Variants in EFR3B observed in about 807,000 individuals in gnomAD.
The protein encoded by EFR3B is EFR3 homolog B.
A neutral mutation model predicts 104.7 loss-of-function variants in EFR3B; 64 were observed. The ratio of observed to expected loss-of-function variants is 0.61; its 90% CI spans 0.50 to 0.75. EFR3B has a LOEUF of 0.75. Among genes scored for constraint, EFR3B ranks in the 30% least tolerant of loss-of-function variants. EFR3B has a pLI of 0.00. For missense variants in EFR3B, 750 were observed against 1,078.5 expected (o/e 0.70, Z 4.27); for synonymous variants, 385 against 417.9 (o/e 0.92, Z 0.96).
intron 5 of EFR3B, among the ~76,000 whole-genome samples, chr2:25,123,015 A>G (rs1407336478): frequency 1.3e-5 from 2 of 152,186 alleles, no homozygotes; most frequent in African/African-American, 2.4e-5. Flanking sequence ...TTATAAAAAC[A>G]CTTAGCTCAC....
In EFR3B at chr2:25,130,189, G is replaced by T; in HGVS notation, c.770+80G>T. On this transcript the variant is annotated intron_variant, in intron 7 of 22. Coordinates refer to ENST00000403714, the MANE Select transcript of EFR3B (RefSeq NM_014971.2). The surrounding 1 kb of genome is among the most constrained non-coding windows in gnomAD (Gnocchi z 4.6). ...GGTCCCTGGCATCTCCTGGCTGGCT[G>T]GGGGGAAGGGGATATTACAGTTGTG... is the stretch of plus-strand genomic sequence containing the variant. The T allele has an allele frequency of 6.5e-7, 1 of 1,533,590 alleles. No individual in the cohort carries two copies. The highest frequency in any genetic ancestry group is 8.8e-7 in the Non-Finnish European group (1 of 1,134,476). 95.0% of individuals were successfully genotyped at this position (1,533,590 alleles called of 1,614,324 possible).
At chr2:25,123,504 G>A (rs1020622965) in intron 5 of EFR3B, among the ~76,000 whole-genome samples, 1 of 152,212 alleles carries the variant, frequency 6.6e-6, no homozygotes, top group African/African-American at 2.4e-5. Flanking sequence ...TAAGCCAGGT[G>A]TGGACTCTGC....
chr2:25,084,528 C>T (rs912035558), intron 1 of EFR3B, among the ~76,000 whole-genome samples: 1 of 152,134 alleles, frequency 6.6e-6, no homozygotes, highest in Admixed American at 6.6e-5. Flanking sequence ...TGTGAGCCAC[C>T]GTGACCGGCC....
rs1669794904 is a variant in EFR3B, at chr2:25,114,023, C to T, written c.364-7650C>T. 6.6e-6 allele frequency among the ~76,000 whole-genome samples: 1 copy of T among 152,178 alleles called. No individual in the cohort carries two copies. The highest frequency in any genetic ancestry group is 1.5e-5 in the Non-Finnish European group (1 of 68,038). On this transcript the variant is annotated intron_variant, in intron 4 of 22. Coordinates refer to ENST00000403714, the MANE Select transcript of EFR3B (RefSeq NM_014971.2). The surrounding 1 kb of genome is among the most constrained non-coding windows in gnomAD (Gnocchi z 4.0). ...TCTTGTAATCATAGCACTACACTGC[C>T]TCTTTAAGAGGGAAAAGGGCTTACT...
chr2:25,148,487 T>A (rs1414549183), intron 19 of EFR3B, among the ~76,000 whole-genome samples: 1 of 151,242 alleles, frequency 6.6e-6, no homozygotes, highest in Non-Finnish European at 1.5e-5. Flanking sequence ...ACTCCTGACC[T>A]CAAGTGATCC....
chr2:25,097,742 C>T (rs1396976056), intron 3 of EFR3B, among the ~76,000 whole-genome samples: 1 of 152,212 alleles, frequency 6.6e-6, no homozygotes, highest in Non-Finnish European at 1.5e-5. Context: ...TTTCCCTTCT[C>T]TTTACATTTC....
At chr2:25,062,658 C>T (rs192228479) in intron 1 of EFR3B, among the ~76,000 whole-genome samples, 70 of 152,308 alleles carry the variant, frequency 4.6e-4, no homozygotes, top group Admixed American at 3.9e-3. Context: ...ACTTACGTGC[C>T]GAGTAGCAAG....
At chr2:25,100,562 G>A (rs1012752552) in intron 3 of EFR3B, among the ~76,000 whole-genome samples, 4 of 151,966 alleles carry the variant, frequency 2.6e-5, no homozygotes, top group South Asian at 2.1e-4. Flanking sequence ...GCGCTATCTC[G>A]GCTCACTGCA....
In EFR3B at chr2:25,042,224, C is replaced by T. The variant is rs915457392; in HGVS notation, c.-89C>T. ...TGTCGGCCGCCGCCAGTCCCCGCCC[C>T]GACTGTGAATGAAAGGCGGGCGCCG... On this transcript the variant is annotated 5_prime_UTR_variant, in exon 1 of 23. Transcript: ENST00000403714. The surrounding 1 kb of genome is among the most constrained non-coding windows in gnomAD (Gnocchi z 5.4). 1 of 1,263,820 alleles carries T rather than the reference C, an allele frequency of 7.9e-7. No homozygotes were observed. Among genetic ancestry groups the T allele is most frequent in the Non-Finnish European group, 1.0e-6 (1 of 997,436 alleles). 78.3% of individuals were successfully genotyped at this position (1,263,820 alleles called of 1,614,324 possible). A position where few individuals can be genotyped will look rare whatever the true frequency, so the allele number is the denominator to read the frequency against.
intron 5 of EFR3B, among the ~76,000 whole-genome samples, chr2:25,122,453 C>T (rs1179763006): frequency 2.6e-5 from 4 of 152,074 alleles, no homozygotes; most frequent in African/African-American, 9.7e-5. Context: ...ACCCACTCAC[C>T]ATTAACCATC....
At chr2:25,134,095 A>T (rs1033986152) in intron 12 of EFR3B, among the ~76,000 whole-genome samples, 11 of 152,186 alleles carry the variant, frequency 7.2e-5, no homozygotes, top group African/African-American at 2.7e-4. Flanking sequence ...CCCACCTGTC[A>T]GAAACTCAGC....
intron 3 of EFR3B, among the ~76,000 whole-genome samples, chr2:25,096,743 G>A (rs554323709): frequency 6.6e-5 from 10 of 152,244 alleles, no homozygotes; most frequent in Admixed American, 6.5e-4. Flanking sequence ...GCCGTCCAAG[G>A]CCCCTTCCTC....
At chr2:25,094,148 G>A (rs1472269799) in intron 3 of EFR3B, among the ~76,000 whole-genome samples, 1 of 151,874 alleles carries the variant, frequency 6.6e-6, no homozygotes, top group Non-Finnish European at 1.5e-5. Context: ...AGCTGGGCGT[G>A]GTGGTATGCA....
chr2:25,042,246 G>A lies in EFR3B; in HGVS notation c.-67G>A, dbSNP rs1464517442. 10 of 1,296,128 alleles carry A rather than the reference G, an allele frequency of 7.7e-6. No individual in the cohort carries two copies. In the African/African-American group the frequency reaches 1.4e-4, roughly 18 times the overall value. The allele number at this position is 1,296,128 out of a possible 1,614,324, so 80.3% of individuals were successfully genotyped here. A position where few individuals can be genotyped will look rare whatever the true frequency, so the allele number is the denominator to read the frequency against. ...CCCCGACTGTGAATGAAAGGCGGGC[G>A]CCGCCGAGGGCTGGCTGGGAACGCC... On this transcript the variant is annotated 5_prime_UTR_variant, in exon 1 of 23. Transcript: ENST00000403714. This position sits in a 1 kb window ranked among gnomAD's most constrained non-coding sequence, Gnocchi z 5.4.
rs1465380597 is a variant in EFR3B at position 25,158,665 on chromosome 2, C to T, written c.*4325C>T. The T allele has an allele frequency of 1.3e-5, 2 of 152,242 alleles. No homozygotes were observed. Among genetic ancestry groups the T allele is most frequent in the Non-Finnish European group, 2.9e-5 (2 of 68,074 alleles). The allele number at this position is 152,242 out of a possible 1,614,324, so 9.4% of individuals were successfully genotyped here. A position where few individuals can be genotyped will look rare whatever the true frequency, so the allele number is the denominator to read the frequency against. ...CAGTTTTCTGTGCTCCCTTTAGCCC[C>T]AGCCTGGCTGGCCAGGTCTCCTGTA... On this transcript the variant is annotated 3_prime_UTR_variant, in exon 23 of 23. Coordinates refer to ENST00000403714, the MANE Select transcript of EFR3B (RefSeq NM_014971.2).
At chr2:25,081,500 A>G in intron 1 of EFR3B, 2 of 1,357,704 alleles carry the variant, frequency 1.5e-6, no homozygotes, top group Non-Finnish European at 2.1e-6. Flanking sequence ...GCTTCTTGCA[A>G]TAATTCCATA....
chr2:25,078,880 C>T (rs1198277235), intron 1 of EFR3B, among the ~76,000 whole-genome samples: 1 of 152,090 alleles, frequency 6.6e-6, no homozygotes, highest in East Asian at 1.9e-4. Context: ...CTCTCCTGCC[C>T]CTTCAACATC....
chr2:25,148,246 G>A lies in EFR3B; in HGVS notation c.2143-1448G>A, dbSNP rs971199190. ...GGAACCTCAGCAGCCGGGGAGGGCC[G>A]GTCACTTCTTTTTTTAAAAAAAAAA... On this transcript the variant is annotated intron_variant, in intron 19 of 22. Transcript: ENST00000403714. 5.8e-4 allele frequency among the ~76,000 whole-genome samples: 88 copies of A among 150,950 alleles called. 2 individuals are homozygous for A. The highest frequency in any genetic ancestry group is 4.5e-3 in the Admixed American group (68 of 15,140).
At position 25,137,334 on chromosome 2, in the gene EFR3B, TC is replaced by T. The variant is rs1670544026; in HGVS notation, c.1561-3del. 1.3e-6 allele frequency: 2 copies of T among 1,551,966 alleles called. No individual in the cohort carries two copies. The highest frequency in any genetic ancestry group is 2.4e-5 in the South Asian group (2 of 84,026). ...GACCCTGGCCTTCTGCCCGCTCCTG[TC>T]CCCAGCACTCCCAGCAGCTCTACAG... On this transcript the variant is annotated splice_region_variant and splice_polypyrimidine_tract_variant and intron_variant, in intron 14 of 22. Transcript: ENST00000403714. This position sits in a 1 kb window ranked among gnomAD's most constrained non-coding sequence, Gnocchi z 4.7.
Sources: allele counts gnomAD v4.1 joint callset (sites outside exome capture counted in the v4.1 genomes callset), GRCh38; gene constraint gnomAD v4.1.1; non-coding constraint Gnocchi (gnomAD v3.1); transcripts MANE v1.5; gene names NCBI Gene and HGNC (gene_info 2026-07-23, HGNC 2026-07-21).